Variants in CSMD1 observed in about 807,000 individuals in gnomAD.
CSMD1 encodes CUB and sushi domain-containing protein 1.
In CSMD1, 213 loss-of-function variants were observed where a neutral mutation model predicts 417.5. That is an observed-to-expected ratio of 0.51 (90% CI 0.46 to 0.57). The LOEUF is 0.57. Ranked by LOEUF, CSMD1 falls within the 20% of genes least tolerant of loss-of-function variation. The probability of loss-of-function intolerance (pLI) is 0.00; values close to 1 mark genes in which losing one functional copy is unlikely to be tolerated. For synonymous variants in CSMD1, 2,862 were observed against 1,736.8 expected, an observed-to-expected ratio of 1.65 and a Z score of -16.11; for missense variants, 6,923 against 4,529.7, an observed-to-expected ratio of 1.53 and a Z score of -15.17.
At chr8:4,451,559 C>A in intron 2 of CSMD1, among the ~76,000 whole-genome samples, 1 of 151,824 alleles carries the variant, frequency 6.6e-6, no homozygotes, top group Admixed American at 6.6e-5. Context: ...AAAGGGTGAG[C>A]GATAGAGTGA....
intron 25 of CSMD1, among the ~76,000 whole-genome samples, chr8:3,292,545 C>G (rs962633183): frequency 1.3e-5 from 2 of 152,188 alleles, no homozygotes; most frequent in Non-Finnish European, 1.5e-5. Flanking sequence ...GGAGAGCTAG[C>G]TTTTCTTGTT....
intron 57 of CSMD1, among the ~76,000 whole-genome samples, chr8:2,968,890 C>A (rs112273896): frequency 2.0e-5 from 3 of 152,040 alleles, no homozygotes; most frequent in Non-Finnish European, 4.4e-5. Context: ...ATTTTGTTAA[C>A]GTGACTTCTT....
chr8:3,240,287 C>G (rs992448030), intron 26 of CSMD1, among the ~76,000 whole-genome samples: 3 of 152,088 alleles, frequency 2.0e-5, no homozygotes, highest in Admixed American at 6.6e-5. Flanking sequence ...CTTCAAGGAA[C>G]GGAAAGAGGA....
At chr8:4,114,570 A>T (rs370899673) in intron 3 of CSMD1, among the ~76,000 whole-genome samples, 5 of 94,882 alleles carry the variant, frequency 5.3e-5, no homozygotes, top group African/African-American at 1.2e-4. Flanking sequence ...TAAATGCATA[A>T]GTCTATAGCT....
intron 1 of CSMD1, among the ~76,000 whole-genome samples, chr8:4,641,569 A>G (rs1426282768): frequency 1.3e-5 from 2 of 152,178 alleles, no homozygotes; most frequent in Non-Finnish European, 2.9e-5. Context: ...ACAAGTGAAA[A>G]TGAAGTAAGT....
intron 6 of CSMD1, among the ~76,000 whole-genome samples, chr8:3,722,937 C>A (rs1371433971): frequency 6.6e-6 from 1 of 152,058 alleles, no homozygotes; most frequent in Non-Finnish European, 1.5e-5. Flanking sequence ...GTTTTTCTTG[C>A]CACATAAATT....
intron 2 of CSMD1, among the ~76,000 whole-genome samples, chr8:4,567,063 C>G (rs898362889): frequency 1.3e-5 from 2 of 152,096 alleles, no homozygotes; most frequent in African/African-American, 4.8e-5. Context: ...AGGGGGCTTC[C>G]ATAAATAGCT....
At chr8:4,369,986 A>G (rs777896252) in intron 3 of CSMD1, among the ~76,000 whole-genome samples, 1 of 152,006 alleles carries the variant, frequency 6.6e-6, no homozygotes, top group African/African-American at 2.4e-5. Context: ...TGTATCTATC[A>G]TCTTGCTGTA....
intron 1 of CSMD1, among the ~76,000 whole-genome samples, chr8:4,956,591 C>T (rs1809128784): frequency 1.3e-5 from 2 of 150,298 alleles, no homozygotes; most frequent in Admixed American, 1.3e-4. Flanking sequence ...TGTATATCAT[C>T]ATAACAGATA....
At chr8:3,067,119 G>C (rs1205213804) in intron 49 of CSMD1, among the ~76,000 whole-genome samples, 1 of 152,116 alleles carries the variant, frequency 6.6e-6, no homozygotes, top group Non-Finnish European at 1.5e-5. Flanking sequence ...TCAGTCTACG[G>C]AATGAATGGA....
At chr8:3,632,152 G>A (rs6996858) in intron 7 of CSMD1, among the ~76,000 whole-genome samples, 24,254 of 152,048 alleles carry the variant, frequency 0.16, 2,323 homozygotes, top group African/African-American at 0.26. Flanking sequence ...AGAGAAAAGG[G>A]ATTTATTTTA....
chr8:4,908,976 G>A (rs115257703), intron 1 of CSMD1, among the ~76,000 whole-genome samples: 150 of 152,100 alleles, frequency 9.9e-4, no homozygotes, highest in African/African-American at 3.3e-3. Context: ...AGCATGCCCC[G>A]TGCTTTTTCT....
At chr8:4,931,001 T>A (rs1359929077) in intron 1 of CSMD1, among the ~76,000 whole-genome samples, 2 of 152,184 alleles carry the variant, frequency 1.3e-5, no homozygotes. Flanking sequence ...ACAATATATG[T>A]ATTATCAATG....
At chr8:3,053,012 A>T (rs1441432693) in intron 49 of CSMD1, among the ~76,000 whole-genome samples, 3 of 151,972 alleles carry the variant, frequency 2.0e-5, no homozygotes, top group African/African-American at 7.2e-5. Flanking sequence ...CAACTCCCAA[A>T]CTCAGGTGAT....
intron 5 of CSMD1, among the ~76,000 whole-genome samples, chr8:3,906,564 T>C (rs1344768673): frequency 6.6e-6 from 1 of 150,866 alleles, no homozygotes; most frequent in Non-Finnish European, 1.5e-5. Context: ...AAATATAAGC[T>C]GTACCATGAG....
chr8:3,314,884 G>C (rs900035901), intron 23 of CSMD1, among the ~76,000 whole-genome samples: 1 of 152,176 alleles, frequency 6.6e-6, no homozygotes, highest in Non-Finnish European at 1.5e-5. Flanking sequence ...TTATACATTA[G>C]GCTGAACAAC....
rs1179402743 is a variant in CSMD1 at position 3,670,821 on chromosome 8, T to TAC, written c.1009+37592_1009+37593insGT. On this transcript the variant is annotated intron_variant, in intron 7 of 69. Transcript: ENST00000635120. ...ATGGGATATATATGTATATGGGATA[T>TAC]ATGTATAGGGGATATATATGTATAT... Among the ~76,000 whole-genome samples the TAC allele has an allele frequency of 5.3e-5, 8 of 150,628 alleles. No homozygotes were observed. In the Admixed American group the frequency reaches 5.3e-4, roughly 10 times the overall value.
chr8:4,274,882 G>A (rs563421476), intron 3 of CSMD1, among the ~76,000 whole-genome samples: 12 of 152,200 alleles, frequency 7.9e-5, no homozygotes, highest in Admixed American at 2.6e-4. Flanking sequence ...GTACCCAAAA[G>A]GTTTGCTCAC....
intron 1 of CSMD1, among the ~76,000 whole-genome samples, chr8:4,893,285 A>C (rs1419682120): frequency 6.6e-6 from 1 of 152,056 alleles, no homozygotes; most frequent in Non-Finnish European, 1.5e-5. Context: ...TTTTTCTTGA[A>C]CTAGAAGCTC....
Sources: allele counts gnomAD v4.1 joint callset (sites outside exome capture counted in the v4.1 genomes callset), GRCh38; gene constraint gnomAD v4.1.1; transcripts MANE v1.5; gene names NCBI Gene and HGNC (gene_info 2026-07-23, HGNC 2026-07-21).